TRPV3: variants seen among roughly 807,000 people sequenced by gnomAD.
TRPV3 encodes the protein transient receptor potential cation channel subfamily V member 3, also known as VRL-3.
TRPV3 carries 88 observed loss-of-function variants against 87.1 expected under a neutral mutation model. The ratio of observed to expected loss-of-function variants is 1.01; its 90% CI spans 0.85 to 1.21. TRPV3 has a LOEUF of 1.21. Ranked by LOEUF, TRPV3 falls within the 50% of genes most tolerant of loss-of-function variation. The probability of loss-of-function intolerance (pLI) is 0.00; values close to 1 mark genes in which losing one functional copy is unlikely to be tolerated. For missense variants in TRPV3, 1,054 were observed against 1,030.1 expected, an observed-to-expected ratio of 1.02 and a Z score of -0.32; for synonymous variants, 438 against 423.3, an observed-to-expected ratio of 1.03 and a Z score of -0.43.
chr17:3,551,174 A>G (rs1289364493), intron 2 of TRPV3, among the ~76,000 whole-genome samples: 1 of 152,246 alleles, frequency 6.6e-6, no homozygotes, highest in African/African-American at 2.4e-5. Flanking sequence ...GGGGAGGTCT[A>G]TGTCTGGAGA....
chr17:3,540,351 C>T (rs1394456429), intron 6 of TRPV3, among the ~76,000 whole-genome samples: 1 of 151,930 alleles, frequency 6.6e-6, no homozygotes, highest in African/African-American at 2.4e-5. Flanking sequence ...GGTTGGTTTC[C>T]AGGAAGACAA....
intron 14 of TRPV3, among the ~76,000 whole-genome samples, chr17:3,519,695 T>C (rs1276734515): frequency 3.2e-4 from 41 of 128,270 alleles, no homozygotes; most frequent in Non-Finnish European, 4.4e-4. Flanking sequence ...GATGATTGGA[T>C]GGATGGATAG....
chr17:3,546,545 C>G (rs1483516228), intron 2 of TRPV3: 2 of 412,404 alleles, frequency 4.8e-6, no homozygotes, highest in Non-Finnish European at 9.9e-6. Context: ...CTAGTCTCCT[C>G]TTGTCCTGTA....
chr17:3,527,407 T>A (rs539118672), intron 11 of TRPV3, among the ~76,000 whole-genome samples: 1 of 152,318 alleles, frequency 6.6e-6, no homozygotes, highest in Admixed American at 6.5e-5. Flanking sequence ...TGAACACTGA[T>A]CTGAACCCAG....
Position 3,542,438 on chromosome 17 carries a change from G to A in TRPV3, c.643+84C>T, listed in dbSNP as rs925770129. On this transcript the variant is annotated intron_variant, in intron 6 of 17. Transcript: ENST00000576742. The stretch of plus-strand genomic sequence containing the variant: ...TCCTCAATGGCAGCAGTGCCTCCAC[G>A]TGGCCTGGCCAGCAGTGGCCCTGTG... 118 of 1,484,594 alleles carry A rather than the reference G, an allele frequency of 7.9e-5. No individual in the cohort carries two copies. The Admixed American group carries it at 9.5e-4, about 12-fold the overall frequency. The allele number at this position is 1,484,594 out of a possible 1,614,324, so 92.0% of individuals were successfully genotyped here.
rs766246982 is a variant in TRPV3, at chr17:3,554,785, G to T, written c.66C>A (p.Asn22Lys). 39 of 1,612,872 alleles carry T rather than the reference G, an allele frequency of 2.4e-5. No individual in the cohort carries two copies. Among genetic ancestry groups the T allele is most frequent in the Non-Finnish European group, 2.9e-5 (34 of 1,179,596 alleles). ...GCCTCTTCTCTGGCAGGATGGCAGGGTTCCCACTGGGGGCAGCAACTCTCT... is the reference window on the plus strand; with the variant it reads ...GCCTCTTCTCTGGCAGGATGGCAGGTTTCCCACTGGGGGCAGCAACTCTCT... ...MGKRVAAPSG[N>K]PAILPEKRPA... The change falls in exon 2 of 18, where the codon AAC becomes AAA. Residue 22 changes from asparagine to lysine, a missense_variant. Physicochemically the swap from Asn to Lys is moderately conservative, Grantham distance 94. Transcript: ENST00000576742.
rs186713137 is a variant in TRPV3 at position 3,522,559 on chromosome 17, C to T, written c.1744-1520G>A. ...CTTAGAATAATTTGTTGATTCCCCC[C>T]CCCACCCCCCAGCACTTTGGGAGGC... On this transcript the variant is annotated intron_variant, in intron 13 of 17. Transcript: ENST00000576742. Among the ~76,000 whole-genome samples, 107 of 151,490 alleles carry T rather than the reference C, an allele frequency of 7.1e-4. 2 individuals carry two copies. Among genetic ancestry groups the T allele is most frequent in the Admixed American group, 8.5e-4 (13 of 15,222 alleles).
intron 3 of TRPV3, 80 bp downstream of exon 3, chr17:3,545,087 A>G (rs2074511318): frequency 2.1e-6 from 2 of 933,454 alleles, no homozygotes; most frequent in South Asian, 1.5e-5. Flanking sequence ...TGGCCCCGTG[A>G]CCCAGGGCAA....
At chr17:3,539,291 A>G (rs530709506) in intron 6 of TRPV3, among the ~76,000 whole-genome samples, 10 of 152,084 alleles carry the variant, frequency 6.6e-5, no homozygotes, top group Non-Finnish European at 1.3e-4. Flanking sequence ...ATATGGGTAA[A>G]GGACTTAAAA....
chr17:3,529,879 G>A lies in TRPV3; in HGVS notation c.1242+148C>T, dbSNP rs545060478. ...CCCAGGCCTCGCCTTTTCTGTGCCT[G>A]ACTCTGCTCACTGAGGCAACAGAGT... On this transcript the variant is annotated intron_variant, in intron 9 of 17. Transcript: ENST00000576742. 2.2e-5 allele frequency: 19 copies of A among 847,680 alleles called. No individual in the cohort carries two copies. In the East Asian group the frequency reaches 5.3e-4, roughly 24 times the overall value. 52.5% of individuals were successfully genotyped at this position (847,680 alleles called of 1,614,324 possible).
At chr17:3,516,080 G>A (rs1597464410) in intron 16 of TRPV3, among the ~76,000 whole-genome samples, 1 of 152,284 alleles carries the variant, frequency 6.6e-6, no homozygotes, top group East Asian at 1.9e-4. Context: ...CAGCTACTCG[G>A]GAGGCTGAGG....
In TRPV3 at chr17:3,554,811, T is replaced by G. The variant is rs746357924; in HGVS notation, c.40A>C (p.Lys14Gln). Residue 14 changes from lysine to glutamine, a missense_variant, in exon 2 of 18, where the codon AAG becomes CAG. Lys to Gln is a moderately conservative substitution (Grantham distance 53). Transcript: ENST00000576742. ...TTCCCACTGGGGGCAGCAACTCTCT[T>G]GCCCATGAGAGGCACCATCTCCTTG... is the stretch of plus-strand genomic sequence containing the variant. ...HPKEMVPLMG[K>Q]RVAAPSGNPA... is the part of the protein sequence containing the mutation. 2.5e-6 allele frequency: 4 copies of G among 1,612,740 alleles called. No individual in the cohort carries two copies. The East Asian group carries it at 6.7e-5, about 27-fold the overall frequency.
At position 3,557,198 on chromosome 17, in the gene TRPV3, C is replaced by A. The variant is rs1232864076; in HGVS notation, c.-3+478G>T. On this transcript the variant is annotated intron_variant, in intron 1 of 17. Coordinates refer to ENST00000576742, the MANE Select transcript of TRPV3 (RefSeq NM_145068.4). This position sits in a 1 kb window ranked among gnomAD's most constrained non-coding sequence, Gnocchi z 4.5. ...CAATCCCTGACACTGATTGAAATGG[C>A]CTTTCCCGGGCGACAGACCAGGCCG... Among the ~76,000 whole-genome samples the A allele has an allele frequency of 6.6e-6, 1 of 152,152 alleles. No individual in the cohort carries two copies. Among genetic ancestry groups the A allele is most frequent in the East Asian group, 1.9e-4 (1 of 5,184 alleles).
At chr17:3,554,662 G>T in intron 2 of TRPV3, 70 bp downstream of exon 2, 1 of 1,150,042 alleles carries the variant, frequency 8.7e-7, no homozygotes, top group South Asian at 1.4e-5. Flanking sequence ...GGGCTCCCTG[G>T]GGGGGTGCCA....
rs570822703 is a variant in TRPV3, at chr17:3,518,057, G to T, written c.2085+519C>A. Among the ~76,000 whole-genome samples, 54 of 152,126 alleles carry T rather than the reference G, an allele frequency of 3.5e-4. 1 individual carries two copies. The highest frequency in any genetic ancestry group is 1.2e-3 in the African/African-American group (51 of 41,506). On this transcript the variant is annotated intron_variant, in intron 15 of 17. Transcript: ENST00000576742. The surrounding 1 kb of genome is among the most constrained non-coding windows in gnomAD (Gnocchi z 4.3). ...TGGGCTCGAACTCTTGACCTCAGGT[G>T]ATCCACCCGCTTCGGCCTTCCAAAG...
Position 3,545,155 on chromosome 17 carries a change from G to A in TRPV3, c.224+12C>T, listed in dbSNP as rs199640571. The A allele has an allele frequency of 2.6e-5, 41 of 1,605,188 alleles. No homozygotes were observed. The highest frequency in any genetic ancestry group is 2.5e-5 in the Non-Finnish European group (29 of 1,172,286). On this transcript the variant is annotated intron_variant, in intron 3 of 17. Coordinates refer to ENST00000576742, the MANE Select transcript of TRPV3 (RefSeq NM_145068.4). The stretch of plus-strand genomic sequence containing the variant: ...GCCCAGGGCAAGGGGTTGGGCTGGG[G>A]CCCGTACTCACCACTGCCGGATGTT...
chr17:3,527,949 G>C, intron 11 of TRPV3, 76 bp downstream of exon 11: 3 of 1,143,298 alleles, frequency 2.6e-6, no homozygotes, highest in East Asian at 4.7e-5. Flanking sequence ...AGCAGTAATG[G>C]CAGAGCAGAG....
intron 12 of TRPV3, among the ~76,000 whole-genome samples, chr17:3,525,157 T>A (rs536222758): frequency 1.7e-4 from 25 of 150,332 alleles, no homozygotes; most frequent in African/African-American, 6.1e-4. Context: ...GTAGCTGGGA[T>A]TACAGGCACC....
chr17:3,548,877 G>A (rs2074547790), intron 2 of TRPV3, among the ~76,000 whole-genome samples: 2 of 152,188 alleles, frequency 1.3e-5, no homozygotes, highest in South Asian at 4.1e-4. Flanking sequence ...ATGGATGATG[G>A]TTGGGCCAGA....
Sources: allele counts gnomAD v4.1 joint callset (sites outside exome capture counted in the v4.1 genomes callset), GRCh38; gene constraint gnomAD v4.1.1; non-coding constraint Gnocchi (gnomAD v3.1); transcripts MANE v1.5; gene names NCBI Gene and HGNC (gene_info 2026-07-23, HGNC 2026-07-21).